TRPC7: variants seen among roughly 807,000 people sequenced by gnomAD.
The protein encoded by TRPC7 is short transient receptor potential channel 7.
TRPC7 carries 42 observed loss-of-function variants against 90.1 expected under a neutral mutation model. That is an observed-to-expected ratio of 0.47 (90% CI 0.36 to 0.60). TRPC7 has a LOEUF of 0.60. TRPC7 is among the 20% of genes least tolerant of loss of function. TRPC7 has a pLI of 0.00. For synonymous variants in TRPC7, 451 were observed against 436.3 expected, an observed-to-expected ratio of 1.03 and a Z score of -0.42; for missense variants, 955 against 1,112.3, an observed-to-expected ratio of 0.86 and a Z score of 2.01.
chr5:136,223,545 G>A (rs915084802), intron 10 of TRPC7, among the ~76,000 whole-genome samples: 1 of 151,968 alleles, frequency 6.6e-6, no homozygotes, highest in Non-Finnish European at 1.5e-5. Flanking sequence ...CCTGGGAGGC[G>A]GAGGTTGCAG....
intron 3 of TRPC7, among the ~76,000 whole-genome samples, chr5:136,276,515 T>C (rs1757371145): frequency 6.6e-6 from 1 of 152,252 alleles, no homozygotes; most frequent in African/African-American, 2.4e-5. Context: ...AGTGACAACA[T>C]GTTTCCCATT....
intron 2 of TRPC7, among the ~76,000 whole-genome samples, chr5:136,324,573 T>A (rs1490796139): frequency 6.6e-6 from 1 of 152,208 alleles, no homozygotes; most frequent in Non-Finnish European, 1.5e-5. Context: ...TATTTATTAT[T>A]GACATGAATT....
intron 3 of TRPC7, among the ~76,000 whole-genome samples, chr5:136,299,145 T>A (rs1288178165): frequency 6.6e-6 from 1 of 151,856 alleles, no homozygotes; most frequent in South Asian, 2.1e-4. Flanking sequence ...CTACTAAAAA[T>A]ACAAAATTAG....
At chr5:136,295,363 G>A (rs971342218) in intron 3 of TRPC7, among the ~76,000 whole-genome samples, 4 of 152,044 alleles carry the variant, frequency 2.6e-5, no homozygotes, top group African/African-American at 7.2e-5. Flanking sequence ...GTATAAGGGC[G>A]GCTACCTGTG....
At chr5:136,229,889 G>A (rs1025085546) in intron 8 of TRPC7, among the ~76,000 whole-genome samples, 6 of 152,112 alleles carry the variant, frequency 3.9e-5, no homozygotes, top group Admixed American at 6.6e-5. Flanking sequence ...GAGGACGCCC[G>A]GTCAAAAGCC....
intron 3 of TRPC7, among the ~76,000 whole-genome samples, chr5:136,300,314 G>A (rs1447884071): frequency 6.6e-6 from 1 of 152,210 alleles, no homozygotes; most frequent in Admixed American, 6.5e-5. Context: ...TGAGCTGGCA[G>A]GGTGTGGATA....
chr5:136,320,060 A>C (rs560927009), intron 2 of TRPC7, among the ~76,000 whole-genome samples: 1 of 151,850 alleles, frequency 6.6e-6, no homozygotes, highest in South Asian at 2.1e-4. Context: ...TTATATCTCC[A>C]CTTGGATGTC....
At chr5:136,323,812 C>T (rs1294378015) in intron 2 of TRPC7, among the ~76,000 whole-genome samples, 1 of 152,200 alleles carries the variant, frequency 6.6e-6, no homozygotes, top group East Asian at 1.9e-4. Context: ...TTTTCTCATT[C>T]CTTCCCTTTA....
chr5:136,293,773 A>G (rs1758052861), intron 3 of TRPC7, among the ~76,000 whole-genome samples: 1 of 152,234 alleles, frequency 6.6e-6, no homozygotes, highest in Non-Finnish European at 1.5e-5. Context: ...CTTTCTTCAC[A>G]GAATTGGAAA....
chr5:136,251,712 G>C lies in TRPC7; in HGVS notation c.1516C>G (p.His506Asp). The C allele has an allele frequency of 6.2e-7, 1 of 1,613,924 alleles. No individual in the cohort carries two copies. Among genetic ancestry groups the C allele is most frequent in the Non-Finnish European group, 8.5e-7 (1 of 1,179,824 alleles). ...ATEAQLYVDQ[H>D]VQDDTLHNVS... ...TTGTGCAGCGTGTCGTCCTGCACGT[G>C]CTGGTCCACGTACAGCTGTGCCTCC... is the stretch of plus-strand genomic sequence containing the variant. The change falls in exon 6 of 12, where the codon CAC (histidine) becomes GAC (aspartate). Residue 506 changes from histidine to aspartate, a missense_variant. Around this residue, in one of 4 missense-constraint regions of TRPC7, gnomAD observed 484 missense variants for 509.6 expected, o/e 0.95. Coordinates refer to ENST00000513104, the MANE Select transcript of TRPC7 (RefSeq NM_020389.3).
intron 2 of TRPC7, among the ~76,000 whole-genome samples, chr5:136,343,998 G>A (rs991209790): frequency 2.5e-4 from 38 of 152,234 alleles, no homozygotes; most frequent in African/African-American, 8.4e-4. Flanking sequence ...TCACAGCACT[G>A]TTTACAGTAG....
intron 6 of TRPC7, 114 bp downstream of exon 6, chr5:136,251,535 A>G (rs1388925313): frequency 3.4e-6 from 3 of 875,570 alleles, no homozygotes; most frequent in African/African-American, 3.4e-5. Context: ...CTGTGTTACA[A>G]ATCATGGGCC....
intron 7 of TRPC7, among the ~76,000 whole-genome samples, chr5:136,238,791 C>A (rs1756071138): frequency 6.6e-6 from 1 of 152,110 alleles, no homozygotes; most frequent in African/African-American, 2.4e-5. Flanking sequence ...AGGTCCCAGG[C>A]TTTTAGAATC....
chr5:136,274,284 G>A (rs775044449), intron 4 of TRPC7, among the ~76,000 whole-genome samples: 2 of 152,198 alleles, frequency 1.3e-5, no homozygotes, highest in South Asian at 4.1e-4. Flanking sequence ...AAAGGGCTTA[G>A]AGAAGAGAAA....
chr5:136,273,299 G>GT (rs1305070316), intron 4 of TRPC7, among the ~76,000 whole-genome samples: 5 of 152,052 alleles, frequency 3.3e-5, no homozygotes, highest in Non-Finnish European at 7.4e-5. Flanking sequence ...CACCCACTGT[G>GT]TTTTTTCAGC....
chr5:136,269,894 A>G (rs1167604759), intron 4 of TRPC7, among the ~76,000 whole-genome samples: 1 of 152,088 alleles, frequency 6.6e-6, no homozygotes, highest in African/African-American at 2.4e-5. Flanking sequence ...TACAATGTCA[A>G]TCTACACATT....
intron 8 of TRPC7, among the ~76,000 whole-genome samples, chr5:136,228,315 A>T (rs1755696403): frequency 1.3e-5 from 2 of 151,364 alleles, no homozygotes; most frequent in Admixed American, 6.6e-5. Flanking sequence ...GGAATTTGTA[A>T]GAATTAACTT....
intron 11 of TRPC7, among the ~76,000 whole-genome samples, chr5:136,215,772 G>A (rs1261959748): frequency 2.7e-5 from 4 of 149,170 alleles, no homozygotes; most frequent in African/African-American, 7.5e-5. Flanking sequence ...GCAGTGGGCC[G>A]AGATTGTGCC....
In TRPC7 at chr5:136,365,266, T is replaced by C. The variant is rs1458179320; in HGVS notation, c.-12A>G. ...ATAGCTGCTTACATTGAGGGTGTAA[T>C]ACGCAGGCTTGTTCCTCCTCTAGAT... On this transcript the variant is annotated 5_prime_UTR_variant, in exon 1 of 12. Transcript: ENST00000513104. 6.5e-7 allele frequency: 1 copy of C among 1,537,110 alleles called. No individual in the cohort carries two copies. Among genetic ancestry groups the C allele is most frequent in the Admixed American group, 2.0e-5 (1 of 50,990 alleles).
Sources: gnomAD v4.1 joint callset for allele counts (sites outside exome capture counted in the v4.1 genomes callset) on GRCh38, gnomAD v4.1.1 for gene constraint, gnomAD v4.1.1 regional missense constraint, MANE v1.5 for transcripts, NCBI Gene and HGNC (gene_info 2026-07-23, HGNC 2026-07-21) for gene names.